The following HLA-DPB1 variants were observed in gnomAD, a reference collection of about 807,000 sequenced individuals.
The protein encoded by HLA-DPB1 is HLA class II histocompatibility antigen, DP beta 1 chain.
HLA-DPB1 carries 30 observed loss-of-function variants against 29.4 expected under a neutral mutation model. That is an observed-to-expected ratio of 1.02 (90% confidence interval 0.76 to 1.38). The LOEUF (loss-of-function observed/expected upper bound fraction) is 1.38, where lower values mean the gene tolerates loss of function less well. HLA-DPB1 is among the 40% of genes most tolerant of loss of function. HLA-DPB1 has a pLI of 0.00. For synonymous variants in HLA-DPB1, 114 were observed against 134.0 expected (o/e 0.85, Z 1.03); for missense variants, 261 against 327.5 (o/e 0.80, Z 1.57).
intron 2 of HLA-DPB1, among the ~76,000 whole-genome samples, chr6:33,082,410 C>G (rs1395082446): frequency 6.6e-6 from 1 of 151,850 alleles, no homozygotes; most frequent in East Asian, 1.9e-4. Flanking sequence ...GCACAGATCT[C>G]CAGACTCAGT....
chr6:33,087,030 A>G lies in HLA-DPB1; in HGVS notation c.*496A>G, dbSNP rs9277534. 59,269 of 185,388 alleles carry G rather than the reference A, an allele frequency of 0.32. 12,483 individuals are homozygous for G. Among genetic ancestry groups the G allele is most frequent in the East Asian group, 0.59 (3,373 of 5,706 alleles). 11.5% of individuals were successfully genotyped at this position (185,388 alleles called of 1,614,324 possible). On this transcript the variant is annotated 3_prime_UTR_variant, in exon 6 of 6. Coordinates refer to ENST00000418931, the MANE Select transcript of HLA-DPB1 (RefSeq NM_002121.6). Reference sequence around the variant, plus strand: ...CCCTCATCCATTTATGTCTCAGACCACTATTCTTAACTATTCAATGGTGAG... The same window carrying G: ...CCCTCATCCATTTATGTCTCAGACCGCTATTCTTAACTATTCAATGGTGAG...
At position 33,089,008 on chromosome 6, in the gene HLA-DPB1, A is replaced by C. The variant is rs2150381334; in HGVS notation, c.*2474A>C. Among the ~76,000 whole-genome samples the C allele has an allele frequency of 6.6e-6, 1 of 152,186 alleles. No individual in the cohort carries two copies. Among genetic ancestry groups the C allele is most frequent in the South Asian group, 2.1e-4 (1 of 4,818 alleles). On this transcript the variant is annotated 3_prime_UTR_variant, in exon 6 of 6. Coordinates refer to ENST00000418931, the MANE Select transcript of HLA-DPB1 (RefSeq NM_002121.6). The stretch of plus-strand genomic sequence containing the variant: ...GACAACACTGCCTCAGATGGTTATC[A>C]AGGGGTACCCTAAGAAGAAATCATC...
chr6:33,089,548 T>A lies in HLA-DPB1; in HGVS notation c.*3014T>A, dbSNP rs536288619. Among the ~76,000 whole-genome samples the A allele has an allele frequency of 3.3e-5, 5 of 152,302 alleles. No homozygotes were observed. In the East Asian group the frequency reaches 9.6e-4, roughly 29 times the overall value. On this transcript the variant is annotated 3_prime_UTR_variant, in exon 6 of 6. Transcript: ENST00000418931. The stretch of plus-strand genomic sequence containing the variant: ...GAATTTATTCACTGGCTTTTAATGA[T>A]CCCTCCTAGAAAGAACACACTTCTC...
rs749259687 is a variant in HLA-DPB1, at chr6:33,086,257, T to C, written c.*4+15T>C. ...TGCATAAACAGGTAATATTCCTGCT[T>C]TGATTTCCTTGTGGGGTGGGTTGCA... On this transcript the variant is annotated intron_variant, in intron 5 of 5. Coordinates refer to ENST00000418931, the MANE Select transcript of HLA-DPB1 (RefSeq NM_002121.6). The C allele has an allele frequency of 1.9e-6, 3 of 1,568,590 alleles. No homozygotes were observed. The highest frequency in any genetic ancestry group is 2.6e-6 in the Non-Finnish European group (3 of 1,140,708).
In HLA-DPB1 at chr6:33,080,737, A is replaced by T. The variant is rs1762801715; in HGVS notation, c.166A>T (p.Arg56Ter). The change falls in exon 2 of 6, where the codon AGA becomes TGA. Residue 56 changes from arginine (R) to a stop codon, truncating the protein, a stop_gained. Transcript: ENST00000418931. LOFTEE classifies it high-confidence loss of function. The surrounding 1 kb of genome is among the most constrained non-coding windows in gnomAD (Gnocchi z 4.3). ...TAATGGGACACAGCGCTTCCTGGAG[A>T]GATACATCTACAACCGGGAGGAGTT... ...AFNGTQRFLE[R>*]YIYNREEFAR... 1.2e-6 allele frequency: 2 copies of T among 1,613,392 alleles called. No homozygotes were observed. Among genetic ancestry groups the T allele is most frequent in the African/African-American group, 2.7e-5 (2 of 74,980 alleles).
At chr6:33,085,680 C>T in intron 3 of HLA-DPB1, 99 bp from the exon 4 acceptor site, 2 of 851,728 alleles carry the variant, frequency 2.3e-6, no homozygotes, top group Non-Finnish European at 4.0e-6. Flanking sequence ...GCACTGTCCT[C>T]ATCCCGATAT....
intron 2 of HLA-DPB1, 157 bp downstream of exon 2, chr6:33,081,092 G>A (rs1762842676): frequency 1.1e-6 from 1 of 870,528 alleles, no homozygotes; most frequent in Non-Finnish European, 1.7e-6. Context: ...GAGCTTGTCA[G>A]GGGAGCGAGC....
intron 2 of HLA-DPB1, 85 bp from the exon 3 acceptor site, chr6:33,084,865 G>A (rs879171025): frequency 2.8e-6 from 1 of 351,468 alleles, no homozygotes; most frequent in Non-Finnish European, 4.5e-6. Flanking sequence ...AGGAAGGAAG[G>A]AAGGAAGGAA....
chr6:33,078,435 G>A (rs779393295), intron 1 of HLA-DPB1, among the ~76,000 whole-genome samples: 1 of 152,134 alleles, frequency 6.6e-6, no homozygotes, highest in Non-Finnish European at 1.5e-5. Context: ...CCAAAGGGCT[G>A]AGGAGCCAGG....
intron 2 of HLA-DPB1, chr6:33,083,915 CTG>C (rs2150376319): frequency 6.9e-6 from 1 of 144,570 alleles, no homozygotes; most frequent in Admixed American, 6.8e-5. Flanking sequence ...ACCTGGTCAT[CTG>C]TGAGACCTTC....
chr6:33,088,231 A>G lies in HLA-DPB1; in HGVS notation c.*1697A>G, dbSNP rs1475578142. 1.3e-5 allele frequency among the ~76,000 whole-genome samples: 2 copies of G among 152,244 alleles called. No individual in the cohort carries two copies. Among genetic ancestry groups the G allele is most frequent in the Admixed American group, 1.3e-4 (2 of 15,286 alleles). ...ATTATGAAATCCTCAGACCCAGAGC[A>G]CATAAATCCTACCCTCAGAGTCACT... On this transcript the variant is annotated 3_prime_UTR_variant, in exon 6 of 6. Coordinates refer to ENST00000418931, the MANE Select transcript of HLA-DPB1 (RefSeq NM_002121.6).
intron 4 of HLA-DPB1, 25 bp from the exon 5 acceptor site, chr6:33,086,194 T>C (rs9277491): frequency 0.27 from 393,759 of 1,440,682 alleles, 64,984 homozygotes; most frequent in East Asian, 0.6. Context: ...TGGCTGATTA[T>C]ATAACCTTTC....
chr6:33,079,948 T>A, intron 1 of HLA-DPB1: 1 of 234,082 alleles, frequency 4.3e-6, no homozygotes, highest in East Asian at 1.2e-4. Context: ...CAAAGGACTC[T>A]ACCCCCACAG....
intron 2 of HLA-DPB1, among the ~76,000 whole-genome samples, chr6:33,082,490 T>C (rs927027885): frequency 6.6e-6 from 1 of 152,116 alleles, no homozygotes; most frequent in Non-Finnish European, 1.5e-5. Flanking sequence ...CCCTAGAGGT[T>C]CCCATGTAGC....
chr6:33,080,718 G>A lies in HLA-DPB1; in HGVS notation c.147G>A (p.Gly49=). Reference sequence around the variant, plus strand: ...GGCAGGAATGCTACGCGTTTAATGGGACACAGCGCTTCCTGGAGAGATACA... The same window carrying A: ...GGCAGGAATGCTACGCGTTTAATGGAACACAGCGCTTCCTGGAGAGATACA... ...QGRQECYAFN[G]TQRFLERYIY... Residue 49 remains glycine, a synonymous_variant, in exon 2 of 6, where the codon GGG becomes GGA. Coordinates refer to ENST00000418931, the MANE Select transcript of HLA-DPB1 (RefSeq NM_002121.6). This position sits in a 1 kb window ranked among gnomAD's most constrained non-coding sequence, Gnocchi z 4.3. 6.2e-7 allele frequency: 1 copy of A among 1,613,502 alleles called. No individual in the cohort carries two copies. The highest frequency in any genetic ancestry group is 8.5e-7 in the Non-Finnish European group (1 of 1,179,920).
intron 4 of HLA-DPB1, 71 bp from the exon 5 acceptor site, chr6:33,086,148 T>C: frequency 7.6e-7 from 1 of 1,322,204 alleles, no homozygotes; most frequent in South Asian, 1.2e-5. Context: ...TTTGGTGGGA[T>C]GGAAATGTTT....
rs1257659028 is a variant in HLA-DPB1, at chr6:33,087,630, G to A, written c.*1096G>A. 6.6e-6 allele frequency among the ~76,000 whole-genome samples: 1 copy of A among 152,166 alleles called. No individual in the cohort carries two copies. The highest frequency in any genetic ancestry group is 1.9e-4 in the East Asian group (1 of 5,194). On this transcript the variant is annotated 3_prime_UTR_variant, in exon 6 of 6. Transcript: ENST00000418931. Reference sequence around the variant, plus strand: ...CTTACAAGCATCTTCTGGGCCTTGTGTGTCCCTGGGCACCTGTCCCTGGTC... The same window carrying A: ...CTTACAAGCATCTTCTGGGCCTTGTATGTCCCTGGGCACCTGTCCCTGGTC...
Position 33,086,205 on chromosome 6 carries a change from G to A in HLA-DPB1, c.758-14G>A, listed in dbSNP as rs9277492. On this transcript the variant is annotated splice_polypyrimidine_tract_variant and intron_variant, in intron 4 of 5. Coordinates refer to ENST00000418931, the MANE Select transcript of HLA-DPB1 (RefSeq NM_002121.6). ...TCAATGGCTGATTATATAACCTTTC[G>A]TCTTTCATTTCAGTTCAACGAGGAT... 2.8e-5 allele frequency: 43 copies of A among 1,525,996 alleles called. 2 individuals carry two copies. Among genetic ancestry groups the A allele is most frequent in the Non-Finnish European group, 3.7e-5 (41 of 1,102,460 alleles). 94.5% of individuals were successfully genotyped at this position (1,525,996 alleles called of 1,614,324 possible).
At position 33,080,586 on chromosome 6, in the gene HLA-DPB1, G is replaced by A; in HGVS notation, c.101-86G>A. ...TCCAGCCCTGGGTGGGAAGATTTGG[G>A]AAGAATCGTTAATATTGAGAGAGAG... On this transcript the variant is annotated intron_variant, in intron 1 of 5. Coordinates refer to ENST00000418931, the MANE Select transcript of HLA-DPB1 (RefSeq NM_002121.6). The surrounding 1 kb of genome is among the most constrained non-coding windows in gnomAD (Gnocchi z 4.3). The A allele has an allele frequency of 6.3e-7, 1 of 1,585,814 alleles. No homozygotes were observed. Among genetic ancestry groups the A allele is most frequent in the Admixed American group, 1.7e-5 (1 of 59,566 alleles).
Sources: gnomAD v4.1 joint callset for allele counts (sites outside exome capture counted in the v4.1 genomes callset) on GRCh38, gnomAD v4.1.1 for gene constraint, Gnocchi (gnomAD v3.1) non-coding constraint, MANE v1.5 for transcripts, NCBI Gene and HGNC (gene_info 2026-07-23, HGNC 2026-07-21) for gene names.